Variants in GIGYF2 observed in about 807,000 individuals in gnomAD.
GIGYF2 encodes GRB10 interacting GYF protein 2, also known as GRB10-interacting GYF protein 2.
In GIGYF2, 25 loss-of-function variants were observed where a neutral mutation model predicts 208.1. The ratio of observed to expected loss-of-function variants is 0.12; its 90% CI spans 0.09 to 0.17. The LOEUF is 0.17. Among genes scored for constraint, GIGYF2 ranks in the 10% least tolerant of loss-of-function variants. The pLI is 1.00. For synonymous variants in GIGYF2, 534 were observed against 543.8 expected (o/e 0.98, Z 0.25); for missense variants, 1,302 against 1,579.4 (o/e 0.82, Z 2.98).
At chr2:232,758,180 T>C (rs1406074479) in intron 6 of GIGYF2, among the ~76,000 whole-genome samples, 1 of 152,224 alleles carries the variant, frequency 6.6e-6, no homozygotes, top group Non-Finnish European at 1.5e-5. Flanking sequence ...GGTTAAATAA[T>C]GATTATTGTG....
intron 5 of GIGYF2, among the ~76,000 whole-genome samples, chr2:232,756,006 G>T (rs985016399): frequency 1.3e-5 from 2 of 152,072 alleles, no homozygotes; most frequent in African/African-American, 4.8e-5. Context: ...CAATTTTGTT[G>T]ATCTGAAATG....
At chr2:232,803,854 A>AT (rs1182991972) in intron 14 of GIGYF2, among the ~76,000 whole-genome samples, 1 of 46,498 alleles carries the variant, frequency 2.2e-5, no homozygotes, top group Non-Finnish European at 3.9e-5. Flanking sequence ...CGCCCGGCTA[A>AT]TTTTTTGTAT....
At position 232,845,755 on chromosome 2, in the gene GIGYF2, G is replaced by T; in HGVS notation, c.3329G>T (p.Arg1110Leu). 1.2e-6 allele frequency: 2 copies of T among 1,603,886 alleles called. No homozygotes were observed. Among genetic ancestry groups the T allele is most frequent in the Non-Finnish European group, 1.7e-6 (2 of 1,170,678 alleles). Reference sequence around the variant, plus strand: ...AGTAAATCTGTAGGTGTGTCTAACCGGCAGAATAAGAAAGTAGAAGAAGAA... The same window carrying T: ...AGTAAATCTGTAGGTGTGTCTAACCTGCAGAATAAGAAAGTAGAAGAAGAA... ...SLSKSVGVSN[R>L]QNKKVEEEEK... The change falls in exon 26 of 29, where the codon CGG becomes CTG. Residue 1110 changes from arginine (R) to leucine (L), a missense_variant. Arg to Leu is a moderately radical substitution (Grantham distance 102). Coordinates refer to ENST00000373563, the MANE Select transcript of GIGYF2 (RefSeq NM_001103146.3).
chr2:232,777,214 C>T (rs2289915), intron 8 of GIGYF2, among the ~76,000 whole-genome samples: 25,170 of 151,802 alleles, frequency 0.17, 2,619 homozygotes, highest in Non-Finnish European at 0.22. Flanking sequence ...GGGAAAGAAC[C>T]GAAGAATTTT....
intron 8 of GIGYF2, 145 bp downstream of exon 8, chr2:232,761,581 T>A: frequency 1.6e-6 from 1 of 616,588 alleles, no homozygotes; most frequent in Non-Finnish European, 3.0e-6. Flanking sequence ...AAACCAGAGA[T>A]GATGAATACA....
intron 8 of GIGYF2, among the ~76,000 whole-genome samples, chr2:232,782,340 G>T (rs1699747233): frequency 6.6e-6 from 1 of 152,132 alleles, no homozygotes; most frequent in Non-Finnish European, 1.5e-5. Flanking sequence ...TAGGATTACA[G>T]GCGTGAGCCA....
chr2:232,739,368 C>G lies in GIGYF2; in HGVS notation c.41+4130C>G, dbSNP rs1246539415. On this transcript the variant is annotated intron_variant, in intron 3 of 28. Transcript: ENST00000373563. ...CCTGGGCAACAAAAGCAAACCCCCC[C>G]CCCCCCGCAAAAAAAAAGAAAAGGG... Among the ~76,000 whole-genome samples the G allele has an allele frequency of 7.4e-5, 10 of 135,840 alleles. No individual in the cohort carries two copies. In the East Asian group the frequency reaches 1.5e-3, roughly 21 times the overall value. The allele number at this position is 135,840 out of a possible 152,430, so 89.1% of individuals were successfully genotyped here.
chr2:232,717,636 G>A (rs995691931), intron 2 of GIGYF2, among the ~76,000 whole-genome samples: 1 of 152,180 alleles, frequency 6.6e-6, no homozygotes, highest in Admixed American at 6.5e-5. Context: ...TCATGGTTCT[G>A]TAGGCGGTAC....
At chr2:232,794,343 T>C (rs1298602143) in intron 12 of GIGYF2, among the ~76,000 whole-genome samples, 2 of 152,204 alleles carry the variant, frequency 1.3e-5, no homozygotes, top group African/African-American at 2.4e-5. Flanking sequence ...AGCATAATCA[T>C]TGATATTTTC....
intron 27 of GIGYF2, among the ~76,000 whole-genome samples, chr2:232,849,681 G>T (rs561352142): frequency 6.6e-6 from 1 of 152,238 alleles, no homozygotes; most frequent in South Asian, 2.1e-4. Flanking sequence ...CCTTCAACTG[G>T]CTCATTGGCT....
chr2:232,754,202 A>ATT (rs147027549), intron 5 of GIGYF2, among the ~76,000 whole-genome samples: 1 of 149,548 alleles, frequency 6.7e-6, no homozygotes, highest in Admixed American at 6.6e-5. Flanking sequence ...GAGTTGTTTC[A>ATT]TTTTTTTTTT....
chr2:232,726,697 G>A (rs564026839), intron 2 of GIGYF2, among the ~76,000 whole-genome samples: 9 of 152,062 alleles, frequency 5.9e-5, no homozygotes, highest in African/African-American at 2.2e-4. Context: ...TAAAATATAC[G>A]TGACAAGATT....
At chr2:232,820,316 CTTTT>C (rs199677992) in intron 21 of GIGYF2, among the ~76,000 whole-genome samples, 10 of 138,700 alleles carry the variant, frequency 7.2e-5, no homozygotes, top group Non-Finnish European at 9.3e-5. Context: ...GCAATAATTT[CTTTT>C]TTTTTTTTTT....
chr2:232,800,583 T>C (rs115619791), intron 14 of GIGYF2, among the ~76,000 whole-genome samples: 1 of 64,830 alleles, frequency 1.5e-5, no homozygotes, highest in African/African-American at 6.2e-5. Flanking sequence ...TTTCTTTTCT[T>C]TTTTTCTTTT....
chr2:232,705,139 G>A (rs564473103), intron 2 of GIGYF2, among the ~76,000 whole-genome samples: 10 of 152,076 alleles, frequency 6.6e-5, no homozygotes, highest in African/African-American at 2.4e-4. Flanking sequence ...GATTACAGGC[G>A]TGAGCCACCG....
chr2:232,753,558 A>G (rs1698413986), intron 5 of GIGYF2, among the ~76,000 whole-genome samples: 1 of 152,040 alleles, frequency 6.6e-6, no homozygotes, highest in Non-Finnish European at 1.5e-5. Flanking sequence ...CGTGCCTGGC[A>G]CTTTACAGTT....
At chr2:232,786,316 C>T (rs1374726384) in intron 8 of GIGYF2, among the ~76,000 whole-genome samples, 10 of 152,246 alleles carry the variant, frequency 6.6e-5, no homozygotes, top group South Asian at 2.1e-4. Context: ...CTGCTTACCG[C>T]GACCTCCGCC....
At chr2:232,796,242 TTAAA>T (rs761551228) in intron 14 of GIGYF2, 21 bp downstream of exon 14, 6 of 1,481,506 alleles carry the variant, frequency 4.0e-6, no homozygotes, top group Non-Finnish European at 5.7e-6. Context: ...CCTTTTTCCT[TTAAA>T]TACTGAAGTG....
intron 18 of GIGYF2, among the ~76,000 whole-genome samples, chr2:232,814,565 A>AACCCC (rs1700847572): frequency 2.6e-5 from 2 of 75,944 alleles, no homozygotes; most frequent in Admixed American, 1.7e-4. Context: ...TCCACCTCAA[A>AACCCC]CCCCCCCCCC....
Sources: gnomAD v4.1 joint callset for allele counts (sites outside exome capture counted in the v4.1 genomes callset) on GRCh38, gnomAD v4.1.1 for gene constraint, MANE v1.5 for transcripts, NCBI Gene and HGNC (gene_info 2026-07-23, HGNC 2026-07-21) for gene names.